The following PLEKHG1 variants were observed in gnomAD, a reference collection of about 807,000 sequenced individuals.
PLEKHG1 encodes the protein pleckstrin homology domain-containing family G member 1.
Under a neutral mutation model 100.8 loss-of-function variants are expected in PLEKHG1, and 44 were observed. That is an observed-to-expected ratio of 0.44 (90% CI 0.34 to 0.56). PLEKHG1 has a LOEUF of 0.56. PLEKHG1 is among the 20% of genes least tolerant of loss of function. The pLI is 0.01. For missense variants in PLEKHG1, 1,545 were observed against 1,720.9 expected (o/e 0.90, Z 1.81); for synonymous variants, 640 against 662.5 (o/e 0.97, Z 0.52).
At chr6:150,711,591 C>G (rs1781244032) in intron 3 of PLEKHG1, among the ~76,000 whole-genome samples, 1 of 152,138 alleles carries the variant, frequency 6.6e-6, no homozygotes, top group Admixed American at 6.5e-5. Context: ...AATTGAAACA[C>G]TGGATTAGAA....
chr6:150,724,848 A>G (rs1057194273), intron 1 of PLEKHG1, among the ~76,000 whole-genome samples: 1 of 152,164 alleles, frequency 6.6e-6, no homozygotes, highest in African/African-American at 2.4e-5. Context: ...GGCATGGGCC[A>G]CCGCGCCTGG....
exon 16 of PLEKHG1, chr6:150,840,362 G>A: frequency 6.2e-7 from 1 of 1,614,186 alleles, no homozygotes; most frequent in South Asian, 1.1e-5. Context: ...AGCAGCTGCT[G>A]TCTTTACACA....
chr6:150,635,622 T>C (rs1356603106), intron 1 of PLEKHG1, among the ~76,000 whole-genome samples: 1 of 152,252 alleles, frequency 6.6e-6, no homozygotes, highest in African/African-American at 2.4e-5. Flanking sequence ...ATCACATGCA[T>C]TTCCAGTGAG....
chr6:150,694,106 C>G (rs1255786610), intron 3 of PLEKHG1, among the ~76,000 whole-genome samples: 1 of 152,144 alleles, frequency 6.6e-6, no homozygotes, highest in Non-Finnish European at 1.5e-5. Context: ...GAACCTTTGC[C>G]AATGAACATG....
intron 13 of PLEKHG1, 129 bp from the exon 15 acceptor site, chr6:150,823,525 T>C (rs1413736197): frequency 1.1e-5 from 7 of 635,670 alleles, no homozygotes; most frequent in African/African-American, 9.2e-5. Context: ...ATTAGATCTA[T>C]AGGGCCCAGA....
intron 10 of PLEKHG1, 96 bp from the exon 12 acceptor site, chr6:150,818,087 A>T: frequency 1.1e-6 from 1 of 941,266 alleles, no homozygotes; most frequent in Non-Finnish European, 1.7e-6. Context: ...GTTTTTAAAA[A>T]TCTATTTATT....
chr6:150,712,581 C>G (rs577343484), intron 3 of PLEKHG1, among the ~76,000 whole-genome samples: 3 of 152,264 alleles, frequency 2.0e-5, no homozygotes, highest in Non-Finnish European at 4.4e-5. Context: ...TTTGGTTACA[C>G]TTGTTTCTTG....
At chr6:150,783,810 T>A (rs151110949) in intron 3 of PLEKHG1, among the ~76,000 whole-genome samples, 251 of 152,364 alleles carry the variant, frequency 1.6e-3, no homozygotes, top group Non-Finnish European at 3.0e-3. Flanking sequence ...CCTGTTAAGA[T>A]GTCTATTTAT....
intron 14 of PLEKHG1, chr6:150,827,633 G>T: frequency 2.5e-6 from 2 of 798,582 alleles, no homozygotes; most frequent in South Asian, 2.7e-5. Flanking sequence ...CAGCGGCACA[G>T]CTGGCTTGAG....
At chr6:150,804,155 T>TTATACATATATATATATATATATATA (rs1786879555) in intron 6 of PLEKHG1, among the ~76,000 whole-genome samples, 1 of 30,264 alleles carries the variant, frequency 3.3e-5, no homozygotes, top group African/African-American at 1.4e-4. Context: ...TGTAAATATT[T>TTATACATATATATATATATATATATA]TATATATATA....
chr6:150,838,297 G>A (rs978117755), intron 15 of PLEKHG1, among the ~76,000 whole-genome samples: 4 of 152,224 alleles, frequency 2.6e-5, no homozygotes, highest in African/African-American at 9.6e-5. Flanking sequence ...ATGCGTTAGA[G>A]GAACCTTGTC....
rs758455220 is a variant in PLEKHG1 at position 150,623,019 on chromosome 6, C to CTT, written c.-203-15048_-203-15047dup. On this transcript the variant is annotated intron_variant, in intron 1 of 3. Coordinates refer to the PLEKHG1 transcript ENST00000367326. ...ATAGATATGGGTTCTTAATGAGCAT[C>CTT]TTTTTTTTTTTTTTCTCTGTAGGAA... Among the ~76,000 whole-genome samples the CTT allele has an allele frequency of 5.9e-3, 860 of 145,420 alleles. 7 individuals are homozygous for CTT. Among genetic ancestry groups the CTT allele is most frequent in the African/African-American group, 0.021 (824 of 39,588 alleles).
rs2128632476 is a variant in PLEKHG1, at chr6:150,757,251, T to C, written c.412-11387T>C. On this transcript the variant is annotated intron_variant, in intron 2 of 15. Coordinates refer to ENST00000358517, the Ensembl canonical transcript of PLEKHG1. Reference sequence around the variant, plus strand: ...TTTGACCTCAGGTGATCTGCCCTCCTTGGCCTCCCAAAGTGCTGGGATTAC... The same window carrying C: ...TTTGACCTCAGGTGATCTGCCCTCCCTGGCCTCCCAAAGTGCTGGGATTAC... Among the ~76,000 whole-genome samples the C allele has an allele frequency of 1.3e-5, 2 of 152,326 alleles. 1 individual carries two copies. Among genetic ancestry groups the C allele is most frequent in the Middle Eastern group, 6.8e-3 (2 of 294 alleles).
intron 2 of PLEKHG1, among the ~76,000 whole-genome samples, chr6:150,736,560 G>C (rs925475746): frequency 5.3e-5 from 8 of 152,126 alleles, no homozygotes; most frequent in African/African-American, 1.9e-4. Context: ...CCTGAGGTCG[G>C]GAGTTCGAGA....
At chr6:150,806,829 C>CAAAAAAACAAAAAA (rs1787140240) in intron 7 of PLEKHG1, among the ~76,000 whole-genome samples, 1 of 90,198 alleles carries the variant, frequency 1.1e-5, no homozygotes. Flanking sequence ...GACTCCATCT[C>CAAAAAAACAAAAAA]AAAAAAAAAA....
chr6:150,635,321 G>T (rs967137401), intron 1 of PLEKHG1, among the ~76,000 whole-genome samples: 1 of 151,982 alleles, frequency 6.6e-6, no homozygotes, highest in Non-Finnish European at 1.5e-5. Context: ...TTAATGCCCC[G>T]AGATAATGAA....
chr6:150,739,781 CTG>C (rs1357313072), intron 2 of PLEKHG1, among the ~76,000 whole-genome samples: 1 of 152,152 alleles, frequency 6.6e-6, no homozygotes, highest in Non-Finnish European at 1.5e-5. Flanking sequence ...TTATTCAAAA[CTG>C]TAGCTAAACA....
intron 10 of PLEKHG1, among the ~76,000 whole-genome samples, chr6:150,813,412 C>T (rs977756318): frequency 1.3e-5 from 2 of 151,602 alleles, no homozygotes; most frequent in Non-Finnish European, 2.9e-5. Flanking sequence ...AGTGTGATGA[C>T]GTCATTTCAA....
At position 150,774,917 on chromosome 6, in the gene PLEKHG1, A is replaced by G. The variant is rs573647554; in HGVS notation, c.512+6179A>G. Among the ~76,000 whole-genome samples the G allele has an allele frequency of 9.2e-5, 14 of 152,258 alleles. No homozygotes were observed. The South Asian group carries it at 1.0e-3, about 11-fold the overall frequency. On this transcript the variant is annotated intron_variant, in intron 3 of 15. Coordinates refer to ENST00000358517, the Ensembl canonical transcript of PLEKHG1. ...TTTTCAGACATGTTCATAAATGACA[A>G]TAGTATATAATTTCTTTCCTTGTCC...
Sources: gnomAD v4.1 joint callset for allele counts (sites outside exome capture counted in the v4.1 genomes callset) on GRCh38, gnomAD v4.1.1 for gene constraint, MANE v1.5 for transcripts, NCBI Gene and HGNC (gene_info 2026-07-23, HGNC 2026-07-21) for gene names.